TBC1D1: variants seen among roughly 807,000 people sequenced by gnomAD.
The protein encoded by TBC1D1 is TBC1 (tre-2/USP6, BUB2, cdc16) domain family, member 1.
A neutral mutation model predicts 125.6 loss-of-function variants in TBC1D1; 89 were observed. The ratio of observed to expected loss-of-function variants is 0.71; its 90% CI spans 0.60 to 0.85. TBC1D1 has a LOEUF of 0.85. TBC1D1 is among the 40% of genes least tolerant of loss of function. The pLI, the probability that TBC1D1 is intolerant of heterozygous loss-of-function variation, is 0.00. For missense variants in TBC1D1, 1,377 were observed against 1,469.2 expected, an observed-to-expected ratio of 0.94 and a Z score of 1.03; for synonymous variants, 565 against 564.1, an observed-to-expected ratio of 1.00 and a Z score of -0.02.
At chr4:37,964,389 A>G (rs1730675079) in intron 2 of TBC1D1, among the ~76,000 whole-genome samples, 1 of 152,184 alleles carries the variant, frequency 6.6e-6, no homozygotes, top group South Asian at 2.1e-4. Context: ...TGCTAGATCC[A>G]CTGACACATC....
rs774625560 is a variant in TBC1D1, at chr4:37,903,013, A to T, written c.417+501A>T. Among the ~76,000 whole-genome samples the T allele has an allele frequency of 6.2e-4, 94 of 152,388 alleles. 1 individual carries two copies. The highest frequency in any genetic ancestry group is 6.8e-3 in the Middle Eastern group (2 of 294). On this transcript the variant is annotated intron_variant, in intron 2 of 19. Transcript: ENST00000261439. ...CACATTTGTAATCCTATTAAGAAAA[A>T]TATAGTCATTCGTAAACTGTGTAAA...
chr4:38,023,825 A>G (rs927950417), intron 6 of TBC1D1, among the ~76,000 whole-genome samples: 1 of 152,204 alleles, frequency 6.6e-6, no homozygotes. Flanking sequence ...TCTTTCGGTT[A>G]TATATCCAGA....
At chr4:38,104,159 CAA>C (rs71658758) in intron 15 of TBC1D1, among the ~76,000 whole-genome samples, 3,336 of 83,632 alleles carry the variant, frequency 0.04, 78 homozygotes, top group African/African-American at 0.14. Context: ...GACTCTGTCT[CAA>C]AAAAAAAAAA....
intron 6 of TBC1D1, among the ~76,000 whole-genome samples, chr4:38,023,879 T>C (rs1744565058): frequency 2.0e-5 from 3 of 152,250 alleles, no homozygotes; most frequent in African/African-American, 7.2e-5. Flanking sequence ...TTTAATTTTT[T>C]TGAGGAACTG....
chr4:37,895,268 T>A (rs1342393028), intron 1 of TBC1D1, among the ~76,000 whole-genome samples: 1 of 152,238 alleles, frequency 6.6e-6, no homozygotes, highest in Non-Finnish European at 1.5e-5. Context: ...TTTTTACTTT[T>A]AGCAGAATAA....
At chr4:38,005,528 G>C (rs902270012) in intron 2 of TBC1D1, among the ~76,000 whole-genome samples, 16 of 152,270 alleles carry the variant, frequency 1.1e-4, no homozygotes, top group African/African-American at 3.9e-4. Flanking sequence ...CCCTAGCCTG[G>C]CTTCTGAGAC....
chr4:37,971,870 G>T (rs1434650048), intron 2 of TBC1D1, among the ~76,000 whole-genome samples: 1 of 152,170 alleles, frequency 6.6e-6, no homozygotes, highest in African/African-American at 2.4e-5. Flanking sequence ...TGGCTAGGTG[G>T]AGTGTTTTAA....
At chr4:38,085,727 T>C (rs1757376502) in intron 12 of TBC1D1, among the ~76,000 whole-genome samples, 1 of 152,166 alleles carries the variant, frequency 6.6e-6, no homozygotes, top group Non-Finnish European at 1.5e-5. Flanking sequence ...AACCTCAGAG[T>C]AGCCCTCCTT....
intron 2 of TBC1D1, among the ~76,000 whole-genome samples, chr4:38,010,472 TC>T: frequency 1.3e-5 from 2 of 152,306 alleles, no homozygotes; most frequent in East Asian, 3.9e-4. Context: ...CAGCTTAGAC[TC>T]CCTGTCTTGG....
intron 14 of TBC1D1, 64 bp from the exon 17 acceptor site, chr4:38,102,935 C>A: frequency 2.1e-6 from 3 of 1,416,296 alleles, no homozygotes; most frequent in Non-Finnish European, 1.9e-6. Flanking sequence ...AAACACAATT[C>A]ATTTTTATTA....
At chr4:38,065,253 G>A (rs1753506523) in intron 12 of TBC1D1, among the ~76,000 whole-genome samples, 1 of 152,062 alleles carries the variant, frequency 6.6e-6, no homozygotes, top group Non-Finnish European at 1.5e-5. Context: ...CACCCAGCCC[G>A]TAGCTACATT....
At chr4:37,963,173 A>G (rs543149625) in intron 2 of TBC1D1, among the ~76,000 whole-genome samples, 25 of 152,364 alleles carry the variant, frequency 1.6e-4, no homozygotes, top group Admixed American at 6.5e-5. Context: ...AAAGTACAGT[A>G]TTAGGCCATT....
intron 2 of TBC1D1, among the ~76,000 whole-genome samples, chr4:37,993,504 AG>A (rs1737094933): frequency 6.6e-6 from 1 of 152,186 alleles, no homozygotes; most frequent in African/African-American, 2.4e-5. Context: ...AGTGGATCAA[AG>A]TTCAGTTCCA....
chr4:38,060,617 C>G (rs1214880412), intron 12 of TBC1D1: 2 of 1,288,946 alleles, frequency 1.6e-6, no homozygotes, highest in African/African-American at 1.5e-5. Flanking sequence ...CTCTCTTTTT[C>G]AGAACCTCAC....
intron 8 of TBC1D1, among the ~76,000 whole-genome samples, chr4:38,037,880 C>A (rs1425401681): frequency 1.3e-5 from 2 of 152,154 alleles, no homozygotes; most frequent in Admixed American, 1.3e-4. Context: ...GAACAGGGTT[C>A]AGTTTGGGCA....
intron 7 of TBC1D1, among the ~76,000 whole-genome samples, chr4:38,034,883 TGG>T (rs1392750631): frequency 6.6e-6 from 1 of 152,114 alleles, no homozygotes; most frequent in Non-Finnish European, 1.5e-5. Flanking sequence ...CCAAAGCATT[TGG>T]GAGCAGGAGG....
At chr4:37,902,550 T>C (rs200928338) in intron 2 of TBC1D1, 38 bp downstream of exon 2, 12 of 1,521,530 alleles carry the variant, frequency 7.9e-6, no homozygotes, top group Non-Finnish European at 1.1e-5. Flanking sequence ...AAGGTGTGGC[T>C]GGCTGGTTTT....
intron 11 of TBC1D1, among the ~76,000 whole-genome samples, chr4:38,052,697 C>A (rs1037771441): frequency 6.9e-6 from 1 of 145,322 alleles, no homozygotes. Flanking sequence ...TACATGCATG[C>A]GTATATACAC....
intron 2 of TBC1D1, among the ~76,000 whole-genome samples, chr4:37,911,257 A>G (rs1173384027): frequency 6.6e-6 from 1 of 150,728 alleles, no homozygotes; most frequent in Non-Finnish European, 1.5e-5. Context: ...CATGTGGGCC[A>G]CCATTTTAGG....
Sources: allele counts gnomAD v4.1 joint callset (sites outside exome capture counted in the v4.1 genomes callset), GRCh38; gene constraint gnomAD v4.1.1; transcripts MANE v1.5; gene names NCBI Gene and HGNC (gene_info 2026-07-23, HGNC 2026-07-21).